IL1RAPL1: variants seen among roughly 807,000 people sequenced by gnomAD.
The protein encoded by IL1RAPL1 is interleukin-1 receptor accessory protein-like 1.
A neutral mutation model predicts 48.4 loss-of-function variants in IL1RAPL1; 3 were observed. That is an observed-to-expected ratio of 0.06 (90% CI 0.03 to 0.16). The LOEUF (loss-of-function observed/expected upper bound fraction) is 0.16. Among genes scored for constraint, IL1RAPL1 ranks in the 10% least tolerant of loss-of-function variants. The probability of loss-of-function intolerance (pLI) is 1.00; values close to 1 mark genes in which losing one functional copy is unlikely to be tolerated. For synonymous variants in IL1RAPL1, 185 were observed against 187.7 expected (o/e 0.99, Z 0.12); for missense variants, 349 against 530.6 (o/e 0.66, Z 3.36).
chrX:29,775,849 T>C (rs1342527412), intron 6 of IL1RAPL1, among the ~76,000 whole-genome samples: 3 of 111,470 alleles, frequency 2.7e-5, no homozygotes, highest in Non-Finnish European at 5.7e-5. Flanking sequence ...CCTTTTGTCT[T>C]TCCTTATTAG....
chrX:29,886,210 T>C (rs1274155383), intron 6 of IL1RAPL1, among the ~76,000 whole-genome samples: 4 of 112,456 alleles, frequency 3.6e-5, no homozygotes, highest in African/African-American at 1.3e-4. Context: ...ATTTGATTCA[T>C]TGGTACCAAA....
intron 2 of IL1RAPL1, among the ~76,000 whole-genome samples, chrX:29,259,161 AAC>A (rs1466513114): frequency 8.9e-6 from 1 of 111,767 alleles, no homozygotes; most frequent in East Asian, 2.8e-4. Flanking sequence ...TCTAACAAAA[AAC>A]ACAGCTCAAA....
At chrX:29,217,938 T>C (rs1337741044) in intron 2 of IL1RAPL1, among the ~76,000 whole-genome samples, 1 of 111,298 alleles carries the variant, frequency 9.0e-6, no homozygotes, top group Non-Finnish European at 1.9e-5. Context: ...AAATTTGTTT[T>C]TCCTTATATC....
At chrX:29,682,464 C>T (rs868605154) in intron 6 of IL1RAPL1, among the ~76,000 whole-genome samples, 1 of 111,222 alleles carries the variant, frequency 9.0e-6, no homozygotes, top group African/African-American at 3.3e-5. Context: ...TCAATGTCAC[C>T]CCAATGAACT....
At chrX:29,117,467 C>T (rs751393722) in intron 2 of IL1RAPL1, among the ~76,000 whole-genome samples, 2 of 112,141 alleles carry the variant, frequency 1.8e-5, no homozygotes, top group South Asian at 7.3e-4. Flanking sequence ...AACACAACTT[C>T]GTGGAATTCT....
Position 29,948,164 on chromosome X carries a change from A to G in IL1RAPL1, c.1202-6358A>G, listed in dbSNP as rs573110676. The stretch of plus-strand genomic sequence containing the variant: ...CAGGAAATATAGTCCCAAATGAGTT[A>G]TATAAAAAGTTATGGCAATCAAGAT... On this transcript the variant is annotated intron_variant, in intron 9 of 10. Coordinates refer to ENST00000378993, the MANE Select transcript of IL1RAPL1 (RefSeq NM_014271.4). 2.3e-4 allele frequency among the ~76,000 whole-genome samples: 26 copies of G among 111,560 alleles called. No homozygotes were observed. In the South Asian group the frequency reaches 9.4e-3, roughly 41 times the overall value.
intron 5 of IL1RAPL1, among the ~76,000 whole-genome samples, chrX:29,434,351 T>TA (rs1934457033): frequency 9.1e-6 from 1 of 110,304 alleles, no homozygotes; most frequent in Non-Finnish European, 1.9e-5. Context: ...AGATATTTTT[T>TA]AAAAAAACAG....
intron 3 of IL1RAPL1, among the ~76,000 whole-genome samples, chrX:29,347,678 C>T (rs1299111411): frequency 9.0e-6 from 1 of 111,479 alleles, no homozygotes; most frequent in Non-Finnish European, 1.9e-5. Flanking sequence ...ATGTGAGCTA[C>T]CATGTCCAGC....
chrX:28,694,309 C>T (rs1260928429), intron 1 of IL1RAPL1, among the ~76,000 whole-genome samples: 1 of 111,955 alleles, frequency 8.9e-6, no homozygotes, highest in Non-Finnish European at 1.9e-5. Context: ...TGGTCATGTT[C>T]ATTTTTCAAC....
intron 5 of IL1RAPL1, among the ~76,000 whole-genome samples, chrX:29,474,870 G>A (rs1051948803): frequency 9.0e-6 from 1 of 111,433 alleles, no homozygotes. Flanking sequence ...ATATCGGGTA[G>A]TAAGCACCAG....
intron 3 of IL1RAPL1, among the ~76,000 whole-genome samples, chrX:29,328,814 A>T (rs1261015303): frequency 9.1e-6 from 1 of 110,017 alleles, no homozygotes; most frequent in Non-Finnish European, 1.9e-5. Flanking sequence ...TTTTATTTAT[A>T]CTGTGATTTT....
chrX:29,662,330 G>A (rs1211249797), intron 5 of IL1RAPL1, among the ~76,000 whole-genome samples: 1 of 111,644 alleles, frequency 9.0e-6, no homozygotes, highest in African/African-American at 3.3e-5. Context: ...TGTTCCAAAT[G>A]ATCATCAGAG....
intron 2 of IL1RAPL1, among the ~76,000 whole-genome samples, chrX:29,014,635 ATTTT>A (rs1241270119): frequency 8.9e-6 from 1 of 111,881 alleles, no homozygotes. Flanking sequence ...TCAAGAAGCC[ATTTT>A]TTATTTATGA....
chrX:28,963,355 TG>T, intron 2 of IL1RAPL1, among the ~76,000 whole-genome samples: 1 of 111,624 alleles, frequency 9.0e-6, no homozygotes, highest in South Asian at 3.7e-4. Context: ...TTAATAAAGA[TG>T]ATCTCTATTT....
intron 1 of IL1RAPL1, among the ~76,000 whole-genome samples, chrX:28,704,421 A>AACACACAC (rs71703533): frequency 1.1e-3 from 98 of 89,526 alleles, no homozygotes; most frequent in African/African-American, 3.3e-3. Flanking sequence ...AAAACACACA[A>AACACACAC]ACACACACAC....
chrX:29,223,389 G>A (rs908284538), intron 2 of IL1RAPL1, among the ~76,000 whole-genome samples: 6 of 111,242 alleles, frequency 5.4e-5, no homozygotes, highest in African/African-American at 2.0e-4. Flanking sequence ...TTTATCACTT[G>A]AAGTTACAAA....
At chrX:29,774,921 T>C (rs1200583083) in intron 6 of IL1RAPL1, among the ~76,000 whole-genome samples, 1 of 112,501 alleles carries the variant, frequency 8.9e-6, no homozygotes, top group African/African-American at 3.2e-5. Context: ...TACTTTTCCT[T>C]GTTGTACTAC....
intron 6 of IL1RAPL1, among the ~76,000 whole-genome samples, chrX:29,906,504 T>TTTC (rs1932632875): frequency 3.5e-5 from 2 of 56,973 alleles, no homozygotes; most frequent in Non-Finnish European, 6.2e-5. Flanking sequence ...TATATATATA[T>TTTC]ATATATATAT....
chrX:29,650,520 T>A (rs1925482912), intron 5 of IL1RAPL1, among the ~76,000 whole-genome samples: 1 of 108,037 alleles, frequency 9.3e-6, no homozygotes. Context: ...GAATACACAA[T>A]GGGGAAAAAG....
Sources: gnomAD v4.1 joint callset for allele counts (sites outside exome capture counted in the v4.1 genomes callset) on GRCh38, gnomAD v4.1.1 for gene constraint, MANE v1.5 for transcripts, NCBI Gene and HGNC (gene_info 2026-07-23, HGNC 2026-07-21) for gene names.